Variants in PCSK5 observed in about 807,000 individuals in gnomAD.
PCSK5 encodes prohormone convertase 5.
In PCSK5, 129 loss-of-function variants were observed where a neutral mutation model predicts 233.2. The observed-to-expected ratio is 0.55, with a 90% CI of 0.48 to 0.64. PCSK5 has a LOEUF of 0.64. Ranked by LOEUF, PCSK5 falls within the 30% of genes least tolerant of loss-of-function variation. PCSK5 has a pLI of 0.00. For synonymous variants in PCSK5, 825 were observed against 879.2 expected, an observed-to-expected ratio of 0.94 and a Z score of 1.09; for missense variants, 2,076 against 2,430.1, an observed-to-expected ratio of 0.85 and a Z score of 3.06.
chr9:75,912,902 C>A (rs951319508), intron 1 of PCSK5, among the ~76,000 whole-genome samples: 1 of 152,222 alleles, frequency 6.6e-6, no homozygotes, highest in African/African-American at 2.4e-5. Flanking sequence ...ATCCCACTCT[C>A]ATACCAGATC....
At chr9:76,119,520 C>T (rs1044619293) in intron 9 of PCSK5, among the ~76,000 whole-genome samples, 11 of 151,932 alleles carry the variant, frequency 7.2e-5, no homozygotes, top group Non-Finnish European at 1.0e-4. Context: ...TTTCCTGTAC[C>T]TTAGGGGAAT....
intron 20 of PCSK5, among the ~76,000 whole-genome samples, chr9:76,217,497 C>G (rs1825579261): frequency 2.6e-5 from 4 of 152,154 alleles, no homozygotes; most frequent in African/African-American, 7.2e-5. Flanking sequence ...CTGTGATTAT[C>G]ACCATTTTAC....
intron 9 of PCSK5, among the ~76,000 whole-genome samples, chr9:76,108,229 T>C (rs1832057655): frequency 6.6e-6 from 1 of 152,202 alleles, no homozygotes; most frequent in Non-Finnish European, 1.5e-5. Flanking sequence ...AAACATGTCT[T>C]GTCCAATTTT....
Position 76,179,581 on chromosome 9 carries a change from A to C in PCSK5, c.1901-15A>C. On this transcript the variant is annotated splice_polypyrimidine_tract_variant and intron_variant, in intron 14 of 37. Coordinates refer to ENST00000674117, the MANE Select transcript of PCSK5 (RefSeq NM_001372043.1). ...AATCATTTTTCCAAGTATTGTTCTA[A>C]TGTCTTTTGGAAAGGTCCCTGCGAC... 6.3e-7 allele frequency: 1 copy of C among 1,592,554 alleles called. No individual in the cohort carries two copies. The highest frequency in any genetic ancestry group is 8.6e-7 in the Non-Finnish European group (1 of 1,160,492).
intron 5 of PCSK5, among the ~76,000 whole-genome samples, chr9:76,037,417 G>A (rs934372297): frequency 3.3e-5 from 5 of 152,104 alleles, no homozygotes; most frequent in Non-Finnish European, 5.9e-5. Flanking sequence ...ATAAACAAAA[G>A]GTTTTTGGAG....
At chr9:76,197,030 A>AGCAT (rs1267179582) in intron 20 of PCSK5, among the ~76,000 whole-genome samples, 1 of 152,228 alleles carries the variant, frequency 6.6e-6, no homozygotes, top group East Asian at 1.9e-4. Flanking sequence ...TGGTCCCTGA[A>AGCAT]GCATGGATGA....
intron 1 of PCSK5, among the ~76,000 whole-genome samples, chr9:75,908,955 CTATCTATCTATCTATCTATCTAT>C: frequency 8.9e-6 from 1 of 111,770 alleles, no homozygotes; most frequent in African/African-American, 2.8e-5. Context: ...ATCTATCTAT[CTATCTATCTATCTATCTATCTAT>C]CTATCTATCT....
At chr9:75,968,158 C>T (rs944260812) in intron 2 of PCSK5, among the ~76,000 whole-genome samples, 1 of 152,226 alleles carries the variant, frequency 6.6e-6, no homozygotes, top group Non-Finnish European at 1.5e-5. Context: ...TGATGCAACA[C>T]TAGTGCCTAG....
Position 76,157,110 on chromosome 9 carries a change from A to G in PCSK5, c.1378A>G (p.Thr460Ala). 3 of 1,613,844 alleles carry G rather than the reference A, an allele frequency of 1.9e-6. No individual in the cohort carries two copies. Among genetic ancestry groups the G allele is most frequent in the Non-Finnish European group, 2.5e-6 (3 of 1,179,924 alleles). Residue 460 changes from threonine (T) to alanine (A), a missense_variant, in exon 11 of 38, where the codon ACC becomes GCC. Transcript: ENST00000674117. ...CATGGTGATGGAGGCAGAGAAGTGGACCACCGTTCCCCGGCAGCACGTGTG... is the reference window on the plus strand; with the variant it reads ...CATGGTGATGGAGGCAGAGAAGTGGGCCACCGTTCCCCGGCAGCACGTGTG... The part of the protein sequence containing the change: ...EAMVMEAEKW[T>A]TVPRQHVCVE...
chr9:76,073,943 A>G (rs1414051200), intron 7 of PCSK5, among the ~76,000 whole-genome samples: 1 of 152,204 alleles, frequency 6.6e-6, no homozygotes, highest in Non-Finnish European at 1.5e-5. Flanking sequence ...GATTAGAAAC[A>G]AAATCACCTG....
rs865914391 is a variant in PCSK5 at position 76,362,755 on chromosome 9, T to C, written c.*3833T>C. Among the ~76,000 whole-genome samples, 7 of 152,204 alleles carry C rather than the reference T, an allele frequency of 4.6e-5. No homozygotes were observed. Among genetic ancestry groups the C allele is most frequent in the South Asian group, 2.1e-4 (1 of 4,834 alleles). On this transcript the variant is annotated 3_prime_UTR_variant, in exon 38 of 38. Transcript: ENST00000674117. ...ATTCCAGACATTGTATGGAAGAGCA[T>C]TGTAAAAATCCCTGTCCTGTGCTGT...
chr9:76,134,429 A>G (rs1822889806), intron 10 of PCSK5, among the ~76,000 whole-genome samples: 1 of 151,950 alleles, frequency 6.6e-6, no homozygotes, highest in Non-Finnish European at 1.5e-5. Context: ...ATCATAGGTC[A>G]ATTTTTTTAA....
intron 1 of PCSK5, among the ~76,000 whole-genome samples, chr9:75,930,702 T>A (rs534653287): frequency 6.6e-6 from 1 of 152,294 alleles, no homozygotes; most frequent in South Asian, 2.1e-4. Context: ...ACGATCTTCC[T>A]TATGGAAATT....
chr9:76,237,264 T>C (rs1826279733), intron 22 of PCSK5, among the ~76,000 whole-genome samples: 1 of 152,204 alleles, frequency 6.6e-6, no homozygotes, highest in African/African-American at 2.4e-5. Context: ...AATCACCAAA[T>C]GCACATTAGT....
intron 5 of PCSK5, among the ~76,000 whole-genome samples, chr9:76,036,704 T>C (rs191308550): frequency 2.4e-4 from 36 of 152,334 alleles, no homozygotes; most frequent in Non-Finnish European, 7.4e-5. Flanking sequence ...CAGAGAGAAG[T>C]CTAGAGAGGG....
At chr9:76,128,455 A>G (rs188330986) in intron 9 of PCSK5, among the ~76,000 whole-genome samples, 1 of 152,338 alleles carries the variant, frequency 6.6e-6, no homozygotes, top group African/African-American at 2.4e-5. Context: ...GTAAGAGCTT[A>G]TGTAGCAAAG....
At chr9:75,908,933 C>CTA (rs1822567192) in intron 1 of PCSK5, among the ~76,000 whole-genome samples, 56 of 94,664 alleles carry the variant, frequency 5.9e-4, no homozygotes, top group African/African-American at 1.3e-3. Flanking sequence ...CTCTCTATCT[C>CTA]TCTCTCTGTC....
chr9:75,934,096 G>A (rs972530992), intron 2 of PCSK5, among the ~76,000 whole-genome samples: 5 of 152,124 alleles, frequency 3.3e-5, no homozygotes, highest in Non-Finnish European at 4.4e-5. Flanking sequence ...TGGCTTATGC[G>A]TGATCCGACA....
At chr9:76,249,340 C>A (rs1175702625) in intron 24 of PCSK5, among the ~76,000 whole-genome samples, 5 of 151,776 alleles carry the variant, frequency 3.3e-5, no homozygotes, top group Admixed American at 1.3e-4. Context: ...CAAGATAAAT[C>A]AAGAATGTGG....
Sources: gnomAD v4.1 joint callset for allele counts (sites outside exome capture counted in the v4.1 genomes callset) on GRCh38, gnomAD v4.1.1 for gene constraint, MANE v1.5 for transcripts, NCBI Gene and HGNC (gene_info 2026-07-23, HGNC 2026-07-21) for gene names.